Variants in BBS5 observed in about 807,000 individuals in gnomAD.
BBS5 encodes the protein Bardet-Biedl syndrome 5, also known as BBSome complex member BBS5.
A neutral mutation model predicts 50.2 loss-of-function variants in BBS5; 39 were observed. The ratio of observed to expected loss-of-function variants is 0.78; its 90% CI spans 0.60 to 1.01. The LOEUF is 1.01. Among genes scored for constraint, BBS5 ranks in the 50% least tolerant of loss-of-function variants. The pLI is 0.00. For synonymous variants in BBS5, 134 were observed against 133.1 expected, an observed-to-expected ratio of 1.01 and a Z score of -0.05; for missense variants, 356 against 401.5, an observed-to-expected ratio of 0.89 and a Z score of 0.97.
At position 169,505,564 on chromosome 2, in the gene BBS5, G is replaced by A. The variant is rs575023560; in HGVS notation, c.*982G>A. 17 of 261,592 alleles carry A rather than the reference G, an allele frequency of 6.5e-5. No individual in the cohort carries two copies. Among genetic ancestry groups the A allele is most frequent in the Middle Eastern group, 1.4e-3 (1 of 736 alleles). The allele number at this position is 261,592 out of a possible 1,614,324, so 16.2% of individuals were successfully genotyped here. A position where few individuals can be genotyped will look rare whatever the true frequency, so the allele number is the denominator to read the frequency against. ...TAGGAAGTGAGGAGCTTCTCTGCCTGGCCGCCCATCGTCTGAGATGTGGGG... is the reference window on the plus strand; with the variant it reads ...TAGGAAGTGAGGAGCTTCTCTGCCTAGCCGCCCATCGTCTGAGATGTGGGG... On this transcript the variant is annotated 3_prime_UTR_variant, in exon 12 of 12. Transcript: ENST00000295240.
chr2:169,483,896 TG>T (rs1278105071), intron 2 of BBS5, among the ~76,000 whole-genome samples: 1 of 152,202 alleles, frequency 6.6e-6, no homozygotes, highest in Non-Finnish European at 1.5e-5. Context: ...TCAAGATGGC[TG>T]TATCTTGACG....
chr2:169,504,764 G>T lies in BBS5; in HGVS notation c.*182G>T. The T allele has an allele frequency of 1.5e-6, 2 of 1,379,188 alleles. No individual in the cohort carries two copies. Among genetic ancestry groups the T allele is most frequent in the South Asian group, 1.3e-5 (1 of 77,020 alleles). The allele number at this position is 1,379,188 out of a possible 1,614,324, so 85.4% of individuals were successfully genotyped here. Reference sequence around the variant, plus strand: ...AACTTCAGTTTTCGGCCAGCGCGTCGAGGGAGGGGCCAGCGACACATGGCC... The same window carrying T: ...AACTTCAGTTTTCGGCCAGCGCGTCTAGGGAGGGGCCAGCGACACATGGCC... On this transcript the variant is annotated 3_prime_UTR_variant, in exon 12 of 12. Coordinates refer to ENST00000295240, the MANE Select transcript of BBS5 (RefSeq NM_152384.3).
chr2:169,504,595 T>A lies in BBS5; in HGVS notation c.*13T>A. 6.4e-7 allele frequency: 1 copy of A among 1,562,530 alleles called. No homozygotes were observed. Among genetic ancestry groups the A allele is most frequent in the Non-Finnish European group, 8.8e-7 (1 of 1,133,004 alleles). ...AGTAATGAGTTGATTGACCTTGAGT[T>A]GAGATGGATTTCTATTAAAGATATC... On this transcript the variant is annotated 3_prime_UTR_variant, in exon 12 of 12. Coordinates refer to ENST00000295240, the MANE Select transcript of BBS5 (RefSeq NM_152384.3).
chr2:169,496,991 C>T (rs112910321), intron 7 of BBS5, among the ~76,000 whole-genome samples: 22 of 152,196 alleles, frequency 1.4e-4, no homozygotes, highest in African/African-American at 4.1e-4. Context: ...ACAAAAGGCA[C>T]GGCTTACCAA....
At chr2:169,504,377 A>T in intron 11 of BBS5, 51 bp downstream of exon 11, 1 of 1,595,524 alleles carries the variant, frequency 6.3e-7, no homozygotes, top group East Asian at 2.2e-5. Context: ...TCTAAATTCC[A>T]ACATTTAGCA....
chr2:169,488,158 CTA>C (rs763840564), intron 5 of BBS5, 44 bp downstream of exon 5: 2 of 1,599,014 alleles, frequency 1.3e-6, no homozygotes, highest in African/African-American at 2.7e-5. Flanking sequence ...TTTGTTTACT[CTA>C]TGGTTTTAGA....
Position 169,493,728 on chromosome 2 carries a change from C to T in BBS5, c.523-13C>T. On this transcript the variant is annotated splice_polypyrimidine_tract_variant and intron_variant, in intron 6 of 11. Coordinates refer to ENST00000295240, the MANE Select transcript of BBS5 (RefSeq NM_152384.3). The stretch of plus-strand genomic sequence containing the variant: ...AAATGATCATTTCGGTATCTCATTA[C>T]TGTTTTTTACAGGGCAATTTAGGAA... 2 of 1,561,006 alleles carry T rather than the reference C, an allele frequency of 1.3e-6. No individual in the cohort carries two copies. The highest frequency in any genetic ancestry group is 1.8e-6 in the Non-Finnish European group (2 of 1,131,712).
intron 3 of BBS5, 93 bp downstream of exon 3, chr2:169,487,227 T>C: frequency 1.2e-6 from 1 of 825,356 alleles, no homozygotes; most frequent in Non-Finnish European, 2.0e-6. Context: ...TATGTAGAAA[T>C]ATTAATAAAA....
intron 8 of BBS5, among the ~76,000 whole-genome samples, chr2:169,498,292 A>G (rs1683731455): frequency 6.6e-6 from 1 of 152,232 alleles, no homozygotes; most frequent in African/African-American, 2.4e-5. Flanking sequence ...AGTAGGTTTC[A>G]CTGGCTAAGA....
chr2:169,491,018 A>G (rs1366236849), intron 5 of BBS5, among the ~76,000 whole-genome samples: 1 of 152,224 alleles, frequency 6.6e-6, no homozygotes, highest in Admixed American at 6.5e-5. Flanking sequence ...TTGTAGCTAA[A>G]GAATATTCCA....
intron 9 of BBS5, among the ~76,000 whole-genome samples, chr2:169,502,033 T>G (rs1478422211): frequency 1.3e-5 from 2 of 152,130 alleles, no homozygotes; most frequent in Non-Finnish European, 2.9e-5. Flanking sequence ...TTATTCTGCT[T>G]GCTTACTTTC....
At position 169,488,069 on chromosome 2, in the gene BBS5, T is replaced by C. The variant is rs1308294483; in HGVS notation, c.341T>C (p.Val114Ala). The C allele has an allele frequency of 6.2e-7, 1 of 1,613,342 alleles. No individual in the cohort carries two copies. Among genetic ancestry groups the C allele is most frequent in the African/African-American group, 1.3e-5 (1 of 74,910 alleles). ...TRFEFIFTNL[V>A]PGSPRLFTSV... ...TTTGAATTTATATTTACAAATTTGG[T>C]TCCTGGAAGCCCTAGACTTTTTACT... Residue 114 changes from valine (V) to alanine (A), a missense_variant, in exon 5 of 12, where the codon GTT becomes GCT. Coordinates refer to ENST00000295240, the MANE Select transcript of BBS5 (RefSeq NM_152384.3).
At position 169,504,918 on chromosome 2, in the gene BBS5, C is replaced by T. The variant is rs1007138023; in HGVS notation, c.*336C>T. 55 of 1,613,486 alleles carry T rather than the reference C, an allele frequency of 3.4e-5. No individual in the cohort carries two copies. The highest frequency in any genetic ancestry group is 4.2e-5 in the Non-Finnish European group (49 of 1,179,890). On this transcript the variant is annotated 3_prime_UTR_variant, in exon 12 of 12. Transcript: ENST00000295240. The stretch of plus-strand genomic sequence containing the variant: ...ATTCGCCCAGCCAATGGGGACGTTG[C>T]GGCCCAGTGGGTGGAGGTCCAAAGA...
intron 3 of BBS5, 79 bp downstream of exon 3, chr2:169,487,213 G>T (rs1222901552): frequency 3.4e-6 from 3 of 893,806 alleles, no homozygotes; most frequent in South Asian, 1.4e-5. Flanking sequence ...TGATACCAAA[G>T]AAGTATGTAG....
At chr2:169,497,810 A>T in intron 8 of BBS5, 121 bp downstream of exon 8, 1 of 693,554 alleles carries the variant, frequency 1.4e-6, no homozygotes. Flanking sequence ...TTTAATATGA[A>T]GTTATATATG....
At chr2:169,500,906 G>C (rs1241130554) in intron 9 of BBS5, among the ~76,000 whole-genome samples, 1 of 152,084 alleles carries the variant, frequency 6.6e-6, no homozygotes, top group Admixed American at 6.5e-5. Flanking sequence ...TGCTCGTTCA[G>C]CTTCTTCAAC....
rs71003093 is a variant in BBS5, at chr2:169,489,851, C to CTTTTTTTTTTTTTTTTT, written c.386+1762_386+1778dup. Among the ~76,000 whole-genome samples, 11 of 65,890 alleles carry CTTTTTTTTTTTTTTTTT rather than the reference C, an allele frequency of 1.7e-4. 1 individual carries two copies. Among genetic ancestry groups the CTTTTTTTTTTTTTTTTT allele is most frequent in the Non-Finnish European group, 2.6e-4 (10 of 37,960 alleles). The allele number at this position is 65,890 out of a possible 152,430, so 43.2% of individuals were successfully genotyped here. A position where few individuals can be genotyped will look rare whatever the true frequency, so the allele number is the denominator to read the frequency against. ...TATTTTTTGGCTTCTCATAAATTTC[C>CTTTTTTTTTTTTTTTTT]TTTTTTTTTTTTTTTTTTTTTTTTT... On this transcript the variant is annotated intron_variant, in intron 5 of 11. Coordinates refer to ENST00000295240, the MANE Select transcript of BBS5 (RefSeq NM_152384.3).
chr2:169,489,758 T>C (rs1683557540), intron 5 of BBS5, among the ~76,000 whole-genome samples: 1 of 151,532 alleles, frequency 6.6e-6, no homozygotes, highest in African/African-American at 2.4e-5. Flanking sequence ...GGTATGTGTA[T>C]ATATGTGTGT....
At chr2:169,483,169 G>A (rs574769988) in intron 2 of BBS5, among the ~76,000 whole-genome samples, 10 of 152,134 alleles carry the variant, frequency 6.6e-5, no homozygotes, top group Non-Finnish European at 1.5e-4. Context: ...AACCTTATTA[G>A]CAGAACATGC....
Sources: allele counts gnomAD v4.1 joint callset (sites outside exome capture counted in the v4.1 genomes callset), GRCh38; gene constraint gnomAD v4.1.1; transcripts MANE v1.5; gene names NCBI Gene and HGNC (gene_info 2026-07-23, HGNC 2026-07-21).